Variants in KLHDC4 observed in about 807,000 individuals in gnomAD.
The protein encoded by KLHDC4 is kelch domain containing 4.
Under a neutral mutation model 62.4 loss-of-function variants are expected in KLHDC4, and 90 were observed. The ratio of observed to expected loss-of-function variants is 1.44; its 90% CI spans 1.22 to 1.72. The LOEUF is 1.72. KLHDC4 is among the 40% of genes most tolerant of loss of function. The pLI, the probability that KLHDC4 is intolerant of heterozygous loss-of-function variation, is 0.00. For synonymous variants in KLHDC4, 386 were observed against 284.4 expected (o/e 1.36, Z -3.59); for missense variants, 1,025 against 699.7 (o/e 1.47, Z -5.25).
chr16:87,764,941 G>A (rs2046411628), intron 1 of KLHDC4: 1 of 356,632 alleles, frequency 2.8e-6, no homozygotes, highest in Admixed American at 3.7e-5. Context: ...GGAAGAAAAG[G>A]GACAAAGGAC....
intron 1 of KLHDC4, chr16:87,764,998 C>T (rs2046420474): frequency 2.5e-6 from 1 of 405,116 alleles, no homozygotes; most frequent in Admixed American, 2.7e-5. Flanking sequence ...CATCCCAGTT[C>T]CATACCACTT....
chr16:87,708,248 A>T (rs1037645625), intron 11 of KLHDC4, 102 bp downstream of exon 11: 1 of 838,590 alleles, frequency 1.2e-6, no homozygotes, highest in Non-Finnish European at 1.8e-6. Flanking sequence ...CAACGTTTTT[A>T]AAAAATTTAC....
downstream of KLHDC4, among the ~76,000 whole-genome samples, chr16:87,707,124 C>T (rs756249554): frequency 3.3e-5 from 5 of 152,264 alleles, no homozygotes; most frequent in Admixed American, 2.6e-4. Context: ...TTTCAATGCT[C>T]AACTTTTGAC....
At chr16:87,762,179 T>C in intron 1 of KLHDC4, 139 bp from the exon 2 acceptor site, 2 of 1,467,954 alleles carry the variant, frequency 1.4e-6, no homozygotes, top group Non-Finnish European at 9.0e-7. Context: ...TGTGCCTGTT[T>C]GAAATGCAGA....
downstream of KLHDC4, among the ~76,000 whole-genome samples, chr16:87,704,186 C>T (rs1455471293): frequency 6.6e-6 from 1 of 152,254 alleles, no homozygotes; most frequent in Non-Finnish European, 1.5e-5. Flanking sequence ...GTGCCACGTC[C>T]AGCGCGGGGT....
chr16:87,725,367 G>A (rs1320634117), intron 7 of KLHDC4, among the ~76,000 whole-genome samples: 3 of 152,166 alleles, frequency 2.0e-5, no homozygotes, highest in South Asian at 2.1e-4. Flanking sequence ...GGGTTTCACA[G>A]TGTTAGCCAG....
chr16:87,708,011 A>G lies in KLHDC4; in HGVS notation c.*66T>C, dbSNP rs2034983848. The G allele has an allele frequency of 2.0e-6, 1 of 492,744 alleles. No individual in the cohort carries two copies. Among genetic ancestry groups the G allele is most frequent in the Non-Finnish European group, 4.0e-6 (1 of 251,018 alleles). The allele number at this position is 492,744 out of a possible 1,614,324, so 30.5% of individuals were successfully genotyped here. ...CACGCTGGCCCCAAGAGCTTCACTC[A>G]ACACGGCTGGGTCCTGGGCGGACGT... On this transcript the variant is annotated 3_prime_UTR_variant, in exon 12 of 12. Coordinates refer to ENST00000270583, the MANE Select transcript of KLHDC4 (RefSeq NM_017566.4).
intron 5 of KLHDC4, chr16:87,741,038 G>C (rs1018130345): frequency 2.0e-5 from 3 of 152,156 alleles, no homozygotes; most frequent in African/African-American, 7.2e-5. Context: ...CTTGAGGTCA[G>C]CATTGCCATT....
At chr16:87,724,128 G>A (rs2038932163) in intron 7 of KLHDC4, among the ~76,000 whole-genome samples, 1 of 152,180 alleles carries the variant, frequency 6.6e-6, no homozygotes. Context: ...GTGAGCCACT[G>A]TGCTCGGCCT....
intron 7 of KLHDC4, among the ~76,000 whole-genome samples, chr16:87,718,964 AG>A (rs1457719384): frequency 6.8e-6 from 1 of 147,228 alleles, no homozygotes; most frequent in Non-Finnish European, 1.5e-5. Flanking sequence ...GCCCGGTCTG[AG>A]AAGTGAGGAG....
chr16:87,761,016 G>T (rs2045807856), intron 2 of KLHDC4, among the ~76,000 whole-genome samples: 1 of 152,034 alleles, frequency 6.6e-6, no homozygotes, highest in South Asian at 2.1e-4. Flanking sequence ...CTGGATGACA[G>T]AGTGAGACTC....
intron 4 of KLHDC4, among the ~76,000 whole-genome samples, chr16:87,751,644 T>G (rs1006699664): frequency 1.3e-5 from 2 of 152,102 alleles, no homozygotes; most frequent in African/African-American, 4.8e-5. Context: ...CCTGGCCAGG[T>G]GCAGTGGCTC....
At chr16:87,704,048 C>G (rs1447894087), downstream of KLHDC4, among the ~76,000 whole-genome samples, 1 of 152,256 alleles carries the variant, frequency 6.6e-6, no homozygotes, top group Non-Finnish European at 1.5e-5. Context: ...GTGATCACAG[C>G]TAGAGCTCGG....
At chr16:87,729,756 G>A (rs563146165) in intron 6 of KLHDC4, among the ~76,000 whole-genome samples, 47 of 152,280 alleles carry the variant, frequency 3.1e-4, no homozygotes, top group African/African-American at 1.1e-3. Context: ...GGACAGGAGT[G>A]TTTTGAAGTG....
chr16:87,726,928 G>C lies in KLHDC4; in HGVS notation c.600-4C>G, dbSNP rs758974498. 25 of 1,613,560 alleles carry C rather than the reference G, an allele frequency of 1.5e-5. No homozygotes were observed. Among genetic ancestry groups the C allele is most frequent in the East Asian group, 2.2e-5 (1 of 44,856 alleles). On this transcript the variant is annotated splice_region_variant and splice_polypyrimidine_tract_variant and intron_variant, in intron 6 of 11. Coordinates refer to ENST00000270583, the MANE Select transcript of KLHDC4 (RefSeq NM_017566.4). ...GTCGTTGTAGTAGATGTAATCCCTG[G>C]TTAGAAGAACAGCAGCTGTCAGGGT...
intron 2 of KLHDC4, 39 bp from the exon 3 acceptor site, chr16:87,756,516 C>G (rs753578629): frequency 8.3e-6 from 12 of 1,445,412 alleles, no homozygotes; most frequent in Non-Finnish European, 1.2e-5. Flanking sequence ...AAGATCACCC[C>G]CGATACCCAC....
intron 3 of KLHDC4, 183 bp from the exon 4 acceptor site, chr16:87,755,475 C>T (rs1297268067): frequency 1.5e-5 from 7 of 470,804 alleles, no homozygotes; most frequent in African/African-American, 4.0e-5. Context: ...ACAATGAAAA[C>T]GACCGAACGC....
chr16:87,740,057 AG>A (rs998743224), intron 5 of KLHDC4, among the ~76,000 whole-genome samples: 3 of 152,180 alleles, frequency 2.0e-5, no homozygotes, highest in African/African-American at 7.2e-5. Context: ...CATCCCTCAG[AG>A]GGCACTGGCC....
At chr16:87,762,686 A>C (rs187739809) in intron 1 of KLHDC4, among the ~76,000 whole-genome samples, 2 of 152,310 alleles carry the variant, frequency 1.3e-5, no homozygotes, top group African/African-American at 2.4e-5. Flanking sequence ...AGAAGGTCTC[A>C]ACTTTTACTA....
Sources: gnomAD v4.1 joint callset for allele counts (sites outside exome capture counted in the v4.1 genomes callset) on GRCh38, gnomAD v4.1.1 for gene constraint, MANE v1.5 for transcripts, NCBI Gene and HGNC (gene_info 2026-07-23, HGNC 2026-07-21) for gene names.